The following ZNF569 variants were observed in gnomAD, a reference collection of about 807,000 sequenced individuals.
ZNF569 encodes the protein zinc finger protein 569.
Under a neutral mutation model 56.3 loss-of-function variants are expected in ZNF569, and 38 were observed. That is an observed-to-expected ratio of 0.68 (90% CI 0.52 to 0.88). The LOEUF (loss-of-function observed/expected upper bound fraction) is 0.88. Ranked by LOEUF, ZNF569 falls within the 40% of genes least tolerant of loss-of-function variation. The pLI is 0.00. For synonymous variants in ZNF569, 241 were observed against 262.9 expected, an observed-to-expected ratio of 0.92 and a Z score of 0.81; for missense variants, 666 against 809.2, an observed-to-expected ratio of 0.82 and a Z score of 2.15.
intron 2 of ZNF569, among the ~76,000 whole-genome samples, chr19:37,456,997 CA>C (rs2041682241): frequency 6.6e-6 from 1 of 150,948 alleles, no homozygotes; most frequent in Non-Finnish European, 1.5e-5. Flanking sequence ...ACAAAAAACA[CA>C]AAACTCAAAC....
intron 5 of ZNF569, among the ~76,000 whole-genome samples, chr19:37,416,717 A>C (rs1372300982): frequency 1.3e-5 from 2 of 152,158 alleles, no homozygotes; most frequent in African/African-American, 4.8e-5. Context: ...GTAGTTGCAG[A>C]AAGCATGGAT....
In ZNF569 at chr19:37,413,797, A is replaced by G. The variant is rs1336004517; in HGVS notation, c.861T>C (p.Asp287=). 4 of 1,613,344 alleles carry G rather than the reference A, an allele frequency of 2.5e-6. No homozygotes were observed. The African/African-American group carries it at 4.0e-5, about 16-fold the overall frequency. Residue 287 remains aspartate (D), a synonymous_variant, in exon 6 of 6, where the codon GAT becomes GAC. Coordinates refer to ENST00000316950, the MANE Select transcript of ZNF569 (RefSeq NM_152484.3). The part of the protein sequence containing the change: ...KSFSQKSNLI[D]HEKIHTGEKP... ...TCTCTCCAGTATGAATTTTTTCATGATCAATAAGATTTGATTTCTGGCTGA... is the reference window on the plus strand; with the variant it reads ...TCTCTCCAGTATGAATTTTTTCATGGTCAATAAGATTTGATTTCTGGCTGA...
intron 2 of ZNF569, among the ~76,000 whole-genome samples, chr19:37,448,925 G>A (rs529586368): frequency 1.2e-4 from 19 of 152,218 alleles, no homozygotes; most frequent in African/African-American, 3.6e-4. Context: ...TGTTAAGGCA[G>A]AAGTGTAGTA....
chr19:37,427,622 T>C lies in ZNF569; in HGVS notation c.16-1244A>G, dbSNP rs372820105. 7.2e-5 allele frequency among the ~76,000 whole-genome samples: 11 copies of C among 152,192 alleles called. No individual in the cohort carries two copies. In the East Asian group the frequency reaches 7.7e-4, roughly 11 times the overall value. Reference sequence around the variant, plus strand: ...TAAAAGGAACTTATGAGCATGAACATCCATTAACACTAAGGGCTCAGAGAA... The same window carrying C: ...TAAAAGGAACTTATGAGCATGAACACCCATTAACACTAAGGGCTCAGAGAA... On this transcript the variant is annotated intron_variant, in intron 3 of 5. Coordinates refer to ENST00000316950, the MANE Select transcript of ZNF569 (RefSeq NM_152484.3).
chr19:37,443,200 G>T (rs1367324677), intron 3 of ZNF569, among the ~76,000 whole-genome samples: 12 of 152,138 alleles, frequency 7.9e-5, no homozygotes, highest in Admixed American at 7.9e-4. Flanking sequence ...CACAAAATTA[G>T]CTGGGCATGG....
At chr19:37,429,203 T>C (rs1415332862) in intron 3 of ZNF569, among the ~76,000 whole-genome samples, 1 of 152,222 alleles carries the variant, frequency 6.6e-6, no homozygotes, top group East Asian at 1.9e-4. Context: ...ATGAAAGGAC[T>C]GCATGCAACT....
intron 5 of ZNF569, among the ~76,000 whole-genome samples, chr19:37,419,734 A>T (rs886569209): frequency 6.6e-6 from 1 of 152,180 alleles, no homozygotes; most frequent in Non-Finnish European, 1.5e-5. Context: ...AAAAAAAAAA[A>T]TTTAATACTA....
At chr19:37,425,091 A>G (rs1158545672) in intron 5 of ZNF569, among the ~76,000 whole-genome samples, 1 of 151,756 alleles carries the variant, frequency 6.6e-6, no homozygotes, top group Non-Finnish European at 1.5e-5. Context: ...TGTACTCCAC[A>G]GTGACAGAGT....
chr19:37,412,762 T>A lies in ZNF569; in HGVS notation c.1896A>T (p.Lys632Asn). 6.2e-7 allele frequency: 1 copy of A among 1,613,796 alleles called. No individual in the cohort carries two copies. The highest frequency in any genetic ancestry group is 8.5e-7 in the Non-Finnish European group (1 of 1,179,880). Residue 632 changes from lysine to asparagine, a missense_variant, in exon 6 of 6, where the codon AAA becomes AAT. Lys to Asn is a moderately conservative substitution (Grantham distance 94). Coordinates refer to ENST00000316950, the MANE Select transcript of ZNF569 (RefSeq NM_152484.3). ...TIHIRGHTGE[K>N]PFDCSKCGKA... ...TTCCACATTTACTACAGTCGAAGGG[T>A]TTCTCACCTGTATGTCCTCGTATAT...
intron 5 of ZNF569, among the ~76,000 whole-genome samples, chr19:37,418,300 T>C (rs1355959411): frequency 6.6e-6 from 1 of 151,856 alleles, no homozygotes; most frequent in Non-Finnish European, 1.5e-5. Context: ...AGGTTAATTG[T>C]ATAGGGGCAA....
chr19:37,414,325 T>G lies in ZNF569; in HGVS notation c.333A>C (p.Lys111Asn), dbSNP rs770196275. ...VKFQKTLTEEKGNECQKKFAN... is the reference protein window; with the variant it reads ...VKFQKTLTEENGNECQKKFAN... ...CAAATTTCTTTTGACATTCATTGCC[T>G]TTTTCTTCAGTCAGTGTTTTCTGGA... Residue 111 changes from lysine to asparagine, a missense_variant, in exon 6 of 6, where the codon AAA (lysine) becomes AAC (asparagine). Physicochemically the swap from Lys to Asn is moderately conservative, Grantham distance 94 (BLOSUM62 0). Transcript: ENST00000316950. 4.3e-6 allele frequency: 7 copies of G among 1,613,250 alleles called. No individual in the cohort carries two copies. The East Asian group carries it at 1.3e-4, about 31-fold the overall frequency.
In ZNF569 at chr19:37,412,638, T is replaced by G; in HGVS notation, c.2020A>C (p.Lys674Gln). ...CTCTGGTGTCTAACAAGGTGCGACT[T>G]TTGGCTGAAAGCCTTGCCACACTCA... Reference protein sequence around the residue: ...CIECGKAFSQKSHLVRHQRIH... With the variant: ...CIECGKAFSQQSHLVRHQRIH... Residue 674 changes from lysine to glutamine, a missense_variant, in exon 6 of 6, where the codon AAG becomes CAG. Transcript: ENST00000316950. The G allele has an allele frequency of 1.2e-6, 2 of 1,610,694 alleles. No homozygotes were observed. Among genetic ancestry groups the G allele is most frequent in the Non-Finnish European group, 1.7e-6 (2 of 1,178,714 alleles).
intron 5 of ZNF569, among the ~76,000 whole-genome samples, chr19:37,417,380 C>T (rs1031355910): frequency 2.0e-5 from 3 of 152,176 alleles, no homozygotes; most frequent in Non-Finnish European, 4.4e-5. Flanking sequence ...CCTACCTCAA[C>T]CTCCCAAGTA....
chr19:37,467,935 G>A (rs1485602572), upstream of ZNF569: 6 of 1,536,008 alleles, frequency 3.9e-6, no homozygotes, highest in Non-Finnish European at 4.4e-6. Context: ...TTGTGAGTGT[G>A]ACAGTGTTAT....
intron 5 of ZNF569, 161 bp downstream of exon 5, chr19:37,425,707 C>T: frequency 1.8e-6 from 1 of 548,396 alleles, no homozygotes; most frequent in Non-Finnish European, 3.2e-6. Context: ...TCAAGCAATC[C>T]TTCCACCTTG....
chr19:37,466,096 G>C (rs75469026), intron 1 of ZNF569, among the ~76,000 whole-genome samples: 2,346 of 152,194 alleles, frequency 0.015, 44 homozygotes, highest in South Asian at 0.075. Flanking sequence ...ACAAAGGCGG[G>C]GGTGAAAAGA....
At chr19:37,466,862 G>C (rs1010778572) in intron 1 of ZNF569, 1 of 152,368 alleles carries the variant, frequency 6.6e-6, no homozygotes, top group Non-Finnish European at 1.5e-5. Context: ...CGATCCCGGG[G>C]CCACACTCAG....
intron 1 of ZNF569, among the ~76,000 whole-genome samples, chr19:37,465,939 A>G (rs2041824796): frequency 6.6e-6 from 1 of 152,270 alleles, no homozygotes; most frequent in Admixed American, 6.5e-5. Context: ...AAATGAATGC[A>G]TAATTTGTGA....
rs563900787 is a variant in ZNF569, at chr19:37,422,559, G to A, written c.238+3309C>T. Among the ~76,000 whole-genome samples the A allele has an allele frequency of 4.6e-5, 7 of 152,266 alleles. No homozygotes were observed. In the East Asian group the frequency reaches 9.6e-4, roughly 21 times the overall value. On this transcript the variant is annotated intron_variant, in intron 5 of 5. Coordinates refer to ENST00000316950, the MANE Select transcript of ZNF569 (RefSeq NM_152484.3). Reference sequence around the variant, plus strand: ...AAAAATGGTGCCAATGGGCTTGTTCGATGCAGGGCTGCCACAAGCCTTCAA... The same window carrying A: ...AAAAATGGTGCCAATGGGCTTGTTCAATGCAGGGCTGCCACAAGCCTTCAA...
Sources: allele counts gnomAD v4.1 joint callset (sites outside exome capture counted in the v4.1 genomes callset), GRCh38; gene constraint gnomAD v4.1.1; transcripts MANE v1.5; gene names NCBI Gene and HGNC (gene_info 2026-07-23, HGNC 2026-07-21).